STK33: variants seen among roughly 807,000 people sequenced by gnomAD.
STK33 encodes the protein serine/threonine-protein kinase 33.
Under a neutral mutation model 58.0 loss-of-function variants are expected in STK33, and 52 were observed. That is an observed-to-expected ratio of 0.90 (90% CI 0.72 to 1.13). The LOEUF (loss-of-function observed/expected upper bound fraction) is 1.13, where lower values mean the gene tolerates loss of function less well. Ranked by LOEUF, STK33 falls within the 50% of genes most tolerant of loss-of-function variation. The probability of loss-of-function intolerance (pLI) is 0.00; values close to 1 mark genes in which losing one functional copy is unlikely to be tolerated. For synonymous variants in STK33, 215 were observed against 200.1 expected (o/e 1.07, Z -0.63); for missense variants, 630 against 604.2 (o/e 1.04, Z -0.45).
chr11:8,474,708 G>A lies in STK33; in HGVS notation c.198C>T (p.Asn66=), dbSNP rs145784235. 1 of 1,611,164 alleles carries A rather than the reference G, an allele frequency of 6.2e-7. No homozygotes were observed. Among genetic ancestry groups the A allele is most frequent in the African/African-American group, 1.3e-5 (1 of 74,684 alleles). The stretch of plus-strand genomic sequence containing the variant: ...AATCTTTCCTGGAGGTTATATCTCT[G>A]TTGATATTTTTTTCTTTTTTTCTCT... The part of the protein sequence containing the change: ...SLERKKEKNI[N]RDITSRKDLP... Residue 66 remains asparagine, a synonymous_variant, in exon 5 of 16, where the codon AAC becomes AAT. Transcript: ENST00000687296.
At chr11:8,586,895 G>C (rs2031753036) in intron 1 of STK33, among the ~76,000 whole-genome samples, 1 of 151,392 alleles carries the variant, frequency 6.6e-6, no homozygotes, top group African/African-American at 2.4e-5. Context: ...GCTCGACATG[G>C]AGTGTATCTT....
intron 2 of STK33, among the ~76,000 whole-genome samples, chr11:8,478,557 A>T (rs1949497173): frequency 6.6e-6 from 1 of 152,194 alleles, no homozygotes; most frequent in Admixed American, 6.5e-5. Context: ...GGTCTTTTAC[A>T]TATTGGCCCT....
intron 1 of STK33, among the ~76,000 whole-genome samples, chr11:8,502,518 C>T (rs1258807978): frequency 6.6e-6 from 1 of 152,088 alleles, no homozygotes; most frequent in Non-Finnish European, 1.5e-5. Flanking sequence ...AAACCCAAAA[C>T]ATAAAAGCTT....
At position 8,410,477 on chromosome 11, in the gene STK33, T is replaced by C. The variant is rs1472226841; in HGVS notation, c.1344+3018A>G. 6.7e-5 allele frequency among the ~76,000 whole-genome samples: 10 copies of C among 148,416 alleles called. No homozygotes were observed. In the South Asian group the frequency reaches 1.7e-3, roughly 25 times the overall value. ...TCTATTTTCTTTTCTTTTCTTTTTT[T>C]TTTTTTTTTTTCTGAGACAAAGTCT... On this transcript the variant is annotated intron_variant, in intron 15 of 15. Coordinates refer to ENST00000687296, the MANE Select transcript of STK33 (RefSeq NM_001352389.2).
At chr11:8,454,433 T>C (rs1210975468) in intron 10 of STK33, among the ~76,000 whole-genome samples, 1 of 152,176 alleles carries the variant, frequency 6.6e-6, no homozygotes, top group Non-Finnish European at 1.5e-5. Flanking sequence ...CTGTAACACA[T>C]TTACATCAAA....
the STK33 span, among the ~76,000 whole-genome samples, chr11:8,353,080 G>A: frequency 6.6e-6 from 1 of 152,226 alleles, no homozygotes; most frequent in East Asian, 1.9e-4. Context: ...TCTACCTGTG[G>A]CATCAGCACA....
rs1050225171 is a variant in STK33, at chr11:8,432,048, G to A, written c.1146+3446C>T. 5.9e-5 allele frequency among the ~76,000 whole-genome samples: 9 copies of A among 152,158 alleles called. No individual in the cohort carries two copies. In the East Asian group the frequency reaches 7.7e-4, roughly 13 times the overall value. On this transcript the variant is annotated intron_variant, in intron 14 of 15. Transcript: ENST00000687296. ...CCTTATGTCAGAGACCACGTCTTAC[G>A]TGGCTTTAACTATATTTTATACCTA...
chr11:8,415,788 A>G (rs1941033691), intron 14 of STK33, among the ~76,000 whole-genome samples: 1 of 152,154 alleles, frequency 6.6e-6, no homozygotes, highest in Non-Finnish European at 1.5e-5. Flanking sequence ...ATATGCAACC[A>G]ATATGATGTG....
At chr11:8,403,101 G>A (rs182110828) in intron 15 of STK33, among the ~76,000 whole-genome samples, 278 of 152,212 alleles carry the variant, frequency 1.8e-3, no homozygotes, top group African/African-American at 6.4e-3. Context: ...TAGTTCTAAG[G>A]GGAAAGATTG....
Position 8,461,909 on chromosome 11 carries a change from C to G in STK33, c.454G>C (p.Ala152Pro). The change falls in exon 8 of 16, where the codon GCT becomes CCT. Residue 152 changes from alanine (A) to proline (P), a missense_variant and splice_region_variant. Physicochemically the swap from Ala to Pro is conservative, Grantham distance 27. Coordinates refer to ENST00000687296, the MANE Select transcript of STK33 (RefSeq NM_001352389.2). ...AGTAACTTCACAGCAGAGCTTCCAG[C>G]CTTAATCAATGAAGAAACACAGATT... Reference protein sequence around the residue: ...WAIKKVNKEKAGSSAVKLLER... With the variant: ...WAIKKVNKEKPGSSAVKLLER... 1 of 1,575,388 alleles carries G rather than the reference C, an allele frequency of 6.3e-7. No individual in the cohort carries two copies. Among genetic ancestry groups the G allele is most frequent in the Non-Finnish European group, 8.6e-7 (1 of 1,164,390 alleles).
chr11:8,383,429 G>A, the STK33 span, among the ~76,000 whole-genome samples: 1 of 152,178 alleles, frequency 6.6e-6, no homozygotes, highest in African/African-American at 2.4e-5. Context: ...CCCAACCCCA[G>A]GAACGTGTCA....
intron 14 of STK33, among the ~76,000 whole-genome samples, chr11:8,424,229 A>T (rs2135968875): frequency 6.6e-6 from 1 of 150,816 alleles, no homozygotes; most frequent in African/African-American, 2.4e-5. Context: ...ATGAGTGAGA[A>T]CATGCGGTGT....
chr11:8,504,324 C>G (rs533755668), intron 1 of STK33, among the ~76,000 whole-genome samples: 1 of 152,268 alleles, frequency 6.6e-6, no homozygotes, highest in East Asian at 1.9e-4. Context: ...GTAAGAAGCA[C>G]AGAGAGCCCT....
chr11:8,553,541 T>C (rs1321535100), intron 1 of STK33, among the ~76,000 whole-genome samples: 2 of 151,984 alleles, frequency 1.3e-5, no homozygotes, highest in Admixed American at 6.6e-5. Context: ...TGTTATACGC[T>C]ATACGACTGT....
chr11:8,512,156 G>C (rs1273184831), intron 1 of STK33, among the ~76,000 whole-genome samples: 1 of 152,132 alleles, frequency 6.6e-6, no homozygotes, highest in Non-Finnish European at 1.5e-5. Context: ...ATAATCTATA[G>C]ATTAATTCTC....
chr11:8,468,838 C>T (rs901090986), intron 6 of STK33, among the ~76,000 whole-genome samples: 1 of 152,102 alleles, frequency 6.6e-6, no homozygotes, highest in Non-Finnish European at 1.5e-5. Context: ...CAGTTCCAGA[C>T]CACCACCATA....
the STK33 span, among the ~76,000 whole-genome samples, chr11:8,374,713 T>C: frequency 7.2e-4 from 110 of 152,322 alleles, no homozygotes; most frequent in African/African-American, 2.5e-3. Flanking sequence ...ACACAATAAT[T>C]TGGAGGAGGG....
At chr11:8,457,509 A>G in intron 8 of STK33, 30 bp from the exon 9 acceptor site, 1 of 1,526,138 alleles carries the variant, frequency 6.6e-7, no homozygotes. Context: ...AGAGAGAGAG[A>G]GCAAATTATA....
intron 1 of STK33, among the ~76,000 whole-genome samples, chr11:8,481,995 T>C (rs1163275872): frequency 6.6e-6 from 1 of 152,204 alleles, no homozygotes. Context: ...TCTTTCATAA[T>C]AAAGCGTGTA....
Sources: gnomAD v4.1 joint callset for allele counts (sites outside exome capture counted in the v4.1 genomes callset) on GRCh38, gnomAD v4.1.1 for gene constraint, MANE v1.5 for transcripts, NCBI Gene and HGNC (gene_info 2026-07-23, HGNC 2026-07-21) for gene names.